Variants in LIPC observed in about 807,000 individuals in gnomAD.
The protein encoded by LIPC is lipase C, hepatic type.
In LIPC, 44 loss-of-function variants were observed where a neutral mutation model predicts 50.7. That is an observed-to-expected ratio of 0.87 (90% CI 0.68 to 1.11). The LOEUF is 1.11. LIPC is among the 50% of genes most tolerant of loss of function. The pLI is 0.00. For synonymous variants in LIPC, 271 were observed against 256.4 expected, an observed-to-expected ratio of 1.06 and a Z score of -0.54; for missense variants, 697 against 648.2, an observed-to-expected ratio of 1.08 and a Z score of -0.82.
chr15:58,506,258 G>A (rs1188326520), intron 1 of LIPC, among the ~76,000 whole-genome samples: 1 of 152,154 alleles, frequency 6.6e-6, no homozygotes, highest in African/African-American at 2.4e-5. Flanking sequence ...TGGGGCAAGG[G>A]TGTTGTTTTG....
At chr15:58,557,796 G>C (rs1454549532) in intron 6 of LIPC, among the ~76,000 whole-genome samples, 1 of 152,136 alleles carries the variant, frequency 6.6e-6, no homozygotes, top group South Asian at 2.1e-4. Context: ...AGTGTTCCTT[G>C]AGAACTCTGG....
intron 1 of LIPC, among the ~76,000 whole-genome samples, chr15:58,474,437 G>C (rs1350129793): frequency 6.7e-6 from 1 of 149,076 alleles, no homozygotes; most frequent in Non-Finnish European, 1.5e-5. Flanking sequence ...AAGAGGATCA[G>C]AAGGTCAAGG....
chr15:58,469,972 A>C (rs1555399099), intron 1 of LIPC, among the ~76,000 whole-genome samples: 1 of 134,112 alleles, frequency 7.5e-6, no homozygotes, highest in Non-Finnish European at 1.6e-5. Flanking sequence ...TCCCTTTATC[A>C]CCCAAACTGG....
intron 4 of LIPC, 118 bp downstream of exon 4, chr15:58,542,769 C>T (rs559269158): frequency 6.2e-5 from 45 of 726,314 alleles, no homozygotes; most frequent in African/African-American, 2.4e-4. Flanking sequence ...GAGGGATCAG[C>T]GCTCATGAGA....
intron 1 of LIPC, among the ~76,000 whole-genome samples, chr15:58,511,694 G>A (rs1892334308): frequency 6.6e-6 from 1 of 152,086 alleles, no homozygotes; most frequent in Admixed American, 6.5e-5. Flanking sequence ...CCATTTCCAG[G>A]AATTCATTCA....
chr15:58,494,429 G>C (rs1263464810), intron 1 of LIPC, among the ~76,000 whole-genome samples: 1 of 152,162 alleles, frequency 6.6e-6, no homozygotes, highest in Admixed American at 6.5e-5. Flanking sequence ...ATAGATCCTT[G>C]GGCAGGTCAT....
chr15:58,450,535 A>G (rs187459402), intron 1 of LIPC, among the ~76,000 whole-genome samples: 35 of 152,340 alleles, frequency 2.3e-4, no homozygotes, highest in African/African-American at 8.2e-4. Flanking sequence ...GTTTCAGTGA[A>G]CAATGTGCAA....
chr15:58,532,798 C>T (rs1566941028), intron 1 of LIPC, among the ~76,000 whole-genome samples: 2 of 152,184 alleles, frequency 1.3e-5, no homozygotes, highest in Non-Finnish European at 2.9e-5. Flanking sequence ...CACCCATCTG[C>T]TGATGTCCTT....
chr15:58,569,232 G>A lies in LIPC; in HGVS notation c.*405G>A, dbSNP rs1894481071. ...ATTAGGTAACTAGTGCTTCAATAAA[G>A]CAAGATTCTAATTAATCACCACTAG... On this transcript the variant is annotated 3_prime_UTR_variant, in exon 9 of 9. Coordinates refer to ENST00000299022, the MANE Select transcript of LIPC (RefSeq NM_000236.3). 6.3e-6 allele frequency: 1 copy of A among 157,918 alleles called. No homozygotes were observed. The highest frequency in any genetic ancestry group is 1.4e-5 in the Non-Finnish European group (1 of 71,524). 9.8% of individuals were successfully genotyped at this position (157,918 alleles called of 1,614,324 possible).
intron 1 of LIPC, among the ~76,000 whole-genome samples, chr15:58,465,374 A>G (rs976263309): frequency 3.3e-5 from 5 of 152,256 alleles, no homozygotes; most frequent in Admixed American, 2.0e-4. Flanking sequence ...GTGCTCTTCA[A>G]TAGTCTTAGT....
rs547053707 is a variant in LIPC, at chr15:58,453,755, G to C, written c.88+21635G>C. ...AACTACTAAAAGTAAAAAAAAATCA[G>C]CCAGGCCTGGTATAGTCCTAGCTAC... On this transcript the variant is annotated intron_variant, in intron 1 of 8. Coordinates refer to ENST00000299022, the MANE Select transcript of LIPC (RefSeq NM_000236.3). Among the ~76,000 whole-genome samples the C allele has an allele frequency of 3.3e-5, 5 of 151,920 alleles. No homozygotes were observed. In the South Asian group the frequency reaches 1.0e-3, roughly 32 times the overall value.
intron 1 of LIPC, among the ~76,000 whole-genome samples, chr15:58,455,348 C>T (rs1406611316): frequency 6.6e-6 from 1 of 152,136 alleles, no homozygotes; most frequent in Admixed American, 6.5e-5. Context: ...GGCTGTGTTC[C>T]AATAAACCTA....
intron 1 of LIPC, among the ~76,000 whole-genome samples, chr15:58,438,080 C>G (rs575086026): frequency 1.3e-5 from 2 of 152,076 alleles, no homozygotes; most frequent in African/African-American, 4.8e-5. Flanking sequence ...TAAGCTGACC[C>G]GAAAACATGA....
chr15:58,557,271 C>T (rs923965293), intron 6 of LIPC, among the ~76,000 whole-genome samples: 2 of 151,444 alleles, frequency 1.3e-5, no homozygotes, highest in Non-Finnish European at 2.9e-5. Flanking sequence ...AGATAATAAT[C>T]GTATCATTTG....
intron 1 of LIPC, among the ~76,000 whole-genome samples, chr15:58,460,136 C>CA (rs1281119643): frequency 6.6e-6 from 1 of 152,194 alleles, no homozygotes; most frequent in East Asian, 1.9e-4. Flanking sequence ...GAGCATTGTT[C>CA]AAGCCGATGA....
chr15:58,505,964 A>G (rs1892134303), intron 1 of LIPC, among the ~76,000 whole-genome samples: 1 of 152,160 alleles, frequency 6.6e-6, no homozygotes. Flanking sequence ...TCCTTGTGCC[A>G]GAGCTCCTGG....
intron 1 of LIPC, among the ~76,000 whole-genome samples, chr15:58,493,995 C>T (rs1005557722): frequency 3.3e-5 from 5 of 152,100 alleles, no homozygotes; most frequent in African/African-American, 1.2e-4. Flanking sequence ...GAGGAGGTCA[C>T]CTTGCCTCCT....
At chr15:58,561,101 C>T in intron 7 of LIPC, 120 bp downstream of exon 7, 1 of 741,348 alleles carries the variant, frequency 1.3e-6, no homozygotes, top group East Asian at 2.5e-5. Context: ...CAGACGCAAA[C>T]CAAAAACTAT....
At chr15:58,501,652 T>C (rs180929087) in intron 1 of LIPC, among the ~76,000 whole-genome samples, 71 of 152,306 alleles carry the variant, frequency 4.7e-4, no homozygotes, top group South Asian at 1.7e-3. Context: ...GTACATTAAC[T>C]TGCCGTGAAT....
Sources: allele counts gnomAD v4.1 joint callset (sites outside exome capture counted in the v4.1 genomes callset), GRCh38; gene constraint gnomAD v4.1.1; transcripts MANE v1.5; gene names NCBI Gene and HGNC (gene_info 2026-07-23, HGNC 2026-07-21).